The following TRHDE variants were observed in gnomAD, a reference collection of about 807,000 sequenced individuals.
TRHDE encodes the protein thyrotropin-releasing hormone-degrading ectoenzyme.
Under a neutral mutation model 125.7 loss-of-function variants are expected in TRHDE, and 72 were observed. The ratio of observed to expected loss-of-function variants is 0.57; its 90% confidence interval spans 0.47 to 0.70. The LOEUF (loss-of-function observed/expected upper bound fraction) is 0.70. Ranked by LOEUF, TRHDE falls within the 30% of genes least tolerant of loss-of-function variation. The pLI, the probability that TRHDE is intolerant of heterozygous loss-of-function variation, is 0.00. For missense variants in TRHDE, 1,110 were observed against 1,327.1 expected, an observed-to-expected ratio of 0.84 and a Z score of 2.54; for synonymous variants, 509 against 509.1, an observed-to-expected ratio of 1.00 and a Z score of 0.00.
At chr12:72,363,982 C>G (rs932448270) in intron 2 of TRHDE, among the ~76,000 whole-genome samples, 33 of 152,018 alleles carry the variant, frequency 2.2e-4, no homozygotes, top group African/African-American at 7.7e-4. Flanking sequence ...CAATAACAGA[C>G]AAACAGAGAG....
intron 2 of TRHDE, among the ~76,000 whole-genome samples, chr12:72,317,478 C>G (rs185315458): frequency 3.3e-5 from 5 of 152,062 alleles, no homozygotes; most frequent in Non-Finnish European, 5.9e-5. Context: ...CTGGTAGGTT[C>G]GGTGTCTGGT....
At chr12:72,659,657 T>C (rs1189405070) in intron 18 of TRHDE, among the ~76,000 whole-genome samples, 1 of 152,152 alleles carries the variant, frequency 6.6e-6, no homozygotes, top group Non-Finnish European at 1.5e-5. Flanking sequence ...TGAAATCTTT[T>C]TAATAGAAAA....
chr12:72,187,491 T>G (rs1877248819), intron 2 of TRHDE, among the ~76,000 whole-genome samples: 1 of 136,138 alleles, frequency 7.3e-6, no homozygotes. Context: ...GTGGTGGTGG[T>G]GGTGGTGGTG....
chr12:72,414,290 A>G lies in TRHDE; in HGVS notation c.1315+36169A>G, dbSNP rs1873637214. ...TTACTTTATAAATTAGTAGGGGGAA[A>G]CATCAGAGCCCAGGAACACCTTTGG... On this transcript the variant is annotated intron_variant, in intron 3 of 18. Coordinates refer to ENST00000261180, the MANE Select transcript of TRHDE (RefSeq NM_013381.3). Among the ~76,000 whole-genome samples the G allele has an allele frequency of 1.3e-5, 2 of 152,092 alleles. 1 individual carries two copies. Among genetic ancestry groups the G allele is most frequent in the Admixed American group, 1.3e-4 (2 of 15,246 alleles).
intron 2 of TRHDE, among the ~76,000 whole-genome samples, chr12:72,358,431 T>G (rs375722235): frequency 7.9e-5 from 12 of 151,768 alleles, no homozygotes; most frequent in African/African-American, 2.9e-4. Flanking sequence ...TTTGTCTACC[T>G]TGCTTTATTG....
intron 12 of TRHDE, among the ~76,000 whole-genome samples, chr12:72,606,640 A>T: frequency 6.6e-6 from 1 of 152,218 alleles, no homozygotes; most frequent in Non-Finnish European, 1.5e-5. Context: ...GGAAGGCTTT[A>T]TGATACATAC....
intron 2 of TRHDE, among the ~76,000 whole-genome samples, chr12:72,168,227 C>T (rs1459122126): frequency 6.6e-6 from 1 of 152,058 alleles, no homozygotes; most frequent in Non-Finnish European, 1.5e-5. Flanking sequence ...AAGAAATATT[C>T]CAAATTTTCT....
chr12:72,558,892 G>A (rs192886549), intron 7 of TRHDE, among the ~76,000 whole-genome samples: 1 of 152,090 alleles, frequency 6.6e-6, no homozygotes, highest in Admixed American at 6.5e-5. Flanking sequence ...GTGGCTAATA[G>A]GACTCAGTTA....
intron 2 of TRHDE, among the ~76,000 whole-genome samples, chr12:72,310,284 T>C (rs1868482644): frequency 6.6e-6 from 1 of 152,374 alleles, no homozygotes; most frequent in East Asian, 1.9e-4. Flanking sequence ...TGCCAATAGC[T>C]AAGTCTAGCT....
chr12:72,364,096 A>C (rs1451712703), intron 2 of TRHDE, among the ~76,000 whole-genome samples: 2 of 152,118 alleles, frequency 1.3e-5, no homozygotes, highest in Non-Finnish European at 2.9e-5. Context: ...GGAGAACTAC[A>C]AACCACTGCT....
chr12:72,223,827 A>G (rs1219971865), intron 2 of TRHDE, among the ~76,000 whole-genome samples: 2 of 151,966 alleles, frequency 1.3e-5, no homozygotes, highest in Non-Finnish European at 2.9e-5. Flanking sequence ...TAAGGATTCT[A>G]TCTCGCATCC....
At chr12:72,222,779 G>A (rs1278522811) in intron 2 of TRHDE, among the ~76,000 whole-genome samples, 2 of 152,092 alleles carry the variant, frequency 1.3e-5, no homozygotes, top group East Asian at 3.9e-4. Context: ...AGATCAGTGG[G>A]CTAAGGAGAA....
intron 5 of TRHDE, among the ~76,000 whole-genome samples, chr12:72,483,006 A>G (rs1013522607): frequency 1.3e-5 from 2 of 151,946 alleles, no homozygotes; most frequent in African/African-American, 2.4e-5. Context: ...AGTATTTTCT[A>G]TTTATTGCTA....
chr12:72,577,782 CCAATTTTGCATGCTTTCAATTA>C (rs1481701130), intron 12 of TRHDE, among the ~76,000 whole-genome samples: 2 of 151,948 alleles, frequency 1.3e-5, no homozygotes, highest in African/African-American at 2.4e-5. Flanking sequence ...GCTTTCAATT[CCAATTTTGCATGCTTTCAATTA>C]CAATTTTGGG....
At chr12:72,430,383 GTA>G (rs574139903) in intron 3 of TRHDE, among the ~76,000 whole-genome samples, 20 of 136,432 alleles carry the variant, frequency 1.5e-4, no homozygotes, top group East Asian at 6.2e-4. Context: ...ATATATACAT[GTA>G]TATATATACA....
intron 2 of TRHDE, among the ~76,000 whole-genome samples, chr12:72,183,601 A>G (rs767232283): frequency 1.4e-4 from 21 of 152,190 alleles, no homozygotes; most frequent in Non-Finnish European, 2.4e-4. Flanking sequence ...GAATATTGGT[A>G]ATTTCATATG....
intron 3 of TRHDE, among the ~76,000 whole-genome samples, chr12:72,466,047 A>G (rs1876355147): frequency 1.3e-5 from 2 of 152,234 alleles, no homozygotes; most frequent in South Asian, 4.1e-4. Flanking sequence ...TAATCTTGTT[A>G]CCCAGGCCTG....
chr12:72,533,723 G>GTTTTTTTTTTTTTTTTTCTTTTTT, intron 6 of TRHDE, among the ~76,000 whole-genome samples: 1 of 97,896 alleles, frequency 1.0e-5, no homozygotes. Context: ...TTTTCTATTT[G>GTTTTTTTTTTTTTTTTTCTTTTTT]TTTTTTTTTT....
chr12:72,505,003 A>C (rs1257690281), intron 6 of TRHDE, among the ~76,000 whole-genome samples: 3 of 152,158 alleles, frequency 2.0e-5, no homozygotes, highest in African/African-American at 7.2e-5. Context: ...CCTGAATAAT[A>C]ATTATAATAC....
Sources: allele counts gnomAD v4.1 joint callset (sites outside exome capture counted in the v4.1 genomes callset), GRCh38; gene constraint gnomAD v4.1.1; transcripts MANE v1.5; gene names NCBI Gene and HGNC (gene_info 2026-07-23, HGNC 2026-07-21).